The following WWOX variants were observed in gnomAD, a reference collection of about 807,000 sequenced individuals.
The protein encoded by WWOX is WW domain-containing oxidoreductase.
WWOX carries 69 observed loss-of-function variants against 46.2 expected under a neutral mutation model. That is an observed-to-expected ratio of 1.49 (90% CI 1.23 to 1.82). WWOX has a LOEUF of 1.82. Among genes scored for constraint, WWOX ranks in the 40% most tolerant of loss-of-function variants. The probability of loss-of-function intolerance (pLI) is 0.00; values close to 1 mark genes in which losing one functional copy is unlikely to be tolerated. For synonymous variants in WWOX, 359 were observed against 202.6 expected (o/e 1.77, Z -6.56); for missense variants, 919 against 542.6 (o/e 1.69, Z -6.89).
At chr16:78,972,966 G>A (rs10492908) in intron 8 of WWOX, among the ~76,000 whole-genome samples, 128,554 of 152,118 alleles carry the variant, frequency 0.85, 55,441 homozygotes, top group South Asian at 0.94. Context: ...AAGGCAAGAG[G>A]CCCGTAATTG....
intron 7 of WWOX, among the ~76,000 whole-genome samples, chr16:78,431,106 T>A (rs1333813340): frequency 6.6e-6 from 1 of 152,218 alleles, no homozygotes; most frequent in Non-Finnish European, 1.5e-5. Flanking sequence ...TGATCCATTT[T>A]GTAAGGGAAG....
rs2050281753 is a variant in WWOX, at chr16:79,151,670, A to G, written c.1057-59938A>G. 1.5e-5 allele frequency among the ~76,000 whole-genome samples: 2 copies of G among 134,774 alleles called. 1 individual carries two copies. The highest frequency in any genetic ancestry group is 5.2e-4 in the South Asian group (2 of 3,834). 88.4% of individuals were successfully genotyped at this position (134,774 alleles called of 152,430 possible). A position where few individuals can be genotyped will look rare whatever the true frequency, so the allele number is the denominator to read the frequency against. On this transcript the variant is annotated intron_variant, in intron 8 of 8. Coordinates refer to ENST00000566780, the MANE Select transcript of WWOX (RefSeq NM_016373.4). ...GCCTGCAGATCAGGGGTGCTAGAGG[A>G]TAGGCAAGAAGTAAGTGGCCACCCT... is the stretch of plus-strand genomic sequence containing the variant.
chr16:79,181,056 A>G (rs1041954736), intron 8 of WWOX, among the ~76,000 whole-genome samples: 1 of 152,232 alleles, frequency 6.6e-6, no homozygotes, highest in Non-Finnish European at 1.5e-5. Flanking sequence ...GTCAAACAAT[A>G]TGAATATATA....
intron 8 of WWOX, among the ~76,000 whole-genome samples, chr16:79,199,200 C>T (rs1412895045): frequency 6.6e-6 from 1 of 152,188 alleles, no homozygotes; most frequent in Non-Finnish European, 1.5e-5. Context: ...GTAAGTGGGA[C>T]TACAGGTGTG....
Position 78,757,454 on chromosome 16 carries a change from G to C in WWOX, c.1056+324702G>C, listed in dbSNP as rs141845439. ...TTGCCTCATCAGTTAGTGGTGTGATGTGTTTGCCTGACAAATACCATCTAG... is the reference window on the plus strand; with the variant it reads ...TTGCCTCATCAGTTAGTGGTGTGATCTGTTTGCCTGACAAATACCATCTAG... On this transcript the variant is annotated intron_variant, in intron 8 of 8. Transcript: ENST00000566780. 2.0e-5 allele frequency among the ~76,000 whole-genome samples: 3 copies of C among 152,232 alleles called. No individual in the cohort carries two copies. In the East Asian group the frequency reaches 5.8e-4, roughly 30 times the overall value.
At chr16:78,971,620 G>A (rs554949939) in intron 8 of WWOX, among the ~76,000 whole-genome samples, 1 of 152,140 alleles carries the variant, frequency 6.6e-6, no homozygotes, top group South Asian at 2.1e-4. Flanking sequence ...AGGGTACTGG[G>A]TGGACCAAAT....
In WWOX at chr16:78,912,582, C is replaced by G. The variant is rs995558061; in HGVS notation, c.1057-299026C>G. On this transcript the variant is annotated intron_variant, in intron 8 of 8. Transcript: ENST00000566780. ...AACCAGCAGGGTTATATCCCCAGCA[C>G]TGTAATTTAGTGTGGCAGTCAGGGG... 1.1e-4 allele frequency among the ~76,000 whole-genome samples: 16 copies of G among 152,020 alleles called. 1 individual carries two copies. Among genetic ancestry groups the G allele is most frequent in the Admixed American group, 9.2e-4 (14 of 15,238 alleles).
At chr16:79,066,827 A>T (rs1450088032) in intron 8 of WWOX, among the ~76,000 whole-genome samples, 1 of 152,118 alleles carries the variant, frequency 6.6e-6, no homozygotes, top group Non-Finnish European at 1.5e-5. Flanking sequence ...GCTTGTCACC[A>T]TTTTCCAGTT....
intron 8 of WWOX, chr16:78,994,288 A>T (rs1325624797): frequency 6.6e-6 from 1 of 152,174 alleles, no homozygotes; most frequent in East Asian, 1.9e-4. Context: ...AATTTTTAAG[A>T]AATGAACATC....
chr16:79,162,194 C>A (rs1370162789), intron 8 of WWOX, among the ~76,000 whole-genome samples: 3 of 152,130 alleles, frequency 2.0e-5, no homozygotes, highest in South Asian at 2.1e-4. Context: ...TTATATTTGC[C>A]TTTGGGTTGA....
At chr16:79,202,625 A>G (rs2051380495) in intron 8 of WWOX, 1 of 152,248 alleles carries the variant, frequency 6.6e-6, no homozygotes, top group African/African-American at 2.4e-5. Context: ...ACAACAGTCT[A>G]GGAAGAAATC....
chr16:79,102,506 G>A (rs2049222036), intron 8 of WWOX, among the ~76,000 whole-genome samples: 2 of 152,194 alleles, frequency 1.3e-5, no homozygotes, highest in Non-Finnish European at 2.9e-5. Flanking sequence ...CAAACATCAT[G>A]CTTTTCAAGA....
intron 8 of WWOX, among the ~76,000 whole-genome samples, chr16:78,744,069 A>G (rs917489639): frequency 6.6e-6 from 1 of 152,152 alleles, no homozygotes; most frequent in Non-Finnish European, 1.5e-5. Flanking sequence ...CCAGTAACAT[A>G]ATGAATGTCT....
At chr16:78,916,014 A>T (rs2045242556) in intron 8 of WWOX, among the ~76,000 whole-genome samples, 1 of 152,178 alleles carries the variant, frequency 6.6e-6, no homozygotes, top group African/African-American at 2.4e-5. Flanking sequence ...TTTGAACTCT[A>T]ATTAGGGAAA....
At chr16:78,754,345 A>G (rs2049578533) in intron 8 of WWOX, among the ~76,000 whole-genome samples, 1 of 152,134 alleles carries the variant, frequency 6.6e-6, no homozygotes, top group East Asian at 1.9e-4. Flanking sequence ...GTCAGTGTGC[A>G]AGTTAGTATG....
intron 5 of WWOX, among the ~76,000 whole-genome samples, chr16:78,251,634 C>T (rs796761560): frequency 2.0e-5 from 3 of 152,258 alleles, no homozygotes; most frequent in African/African-American, 4.8e-5. Flanking sequence ...TACTTACACC[C>T]GAGAAGATTC....
intron 8 of WWOX, among the ~76,000 whole-genome samples, chr16:78,961,576 AT>A (rs1041134421): frequency 6.6e-6 from 1 of 151,822 alleles, no homozygotes; most frequent in African/African-American, 2.4e-5. Context: ...GGGTGCATGG[AT>A]GGGTGAGTAA....
At chr16:78,418,820 A>T (rs1020865193) in intron 6 of WWOX, among the ~76,000 whole-genome samples, 8 of 152,194 alleles carry the variant, frequency 5.3e-5, no homozygotes, top group Non-Finnish European at 1.2e-4. Flanking sequence ...ATCTGCAAAA[A>T]ACCCACAAAT....
intron 8 of WWOX, among the ~76,000 whole-genome samples, chr16:79,037,231 TTCTC>T (rs148734515): frequency 5.3e-5 from 8 of 152,070 alleles, no homozygotes; most frequent in Non-Finnish European, 1.0e-4. Flanking sequence ...CATTTGTTCG[TTCTC>T]TCTCTCTCGC....
Sources: gnomAD v4.1 joint callset for allele counts (sites outside exome capture counted in the v4.1 genomes callset) on GRCh38, gnomAD v4.1.1 for gene constraint, MANE v1.5 for transcripts, NCBI Gene and HGNC (gene_info 2026-07-23, HGNC 2026-07-21) for gene names.